Variants in PDE1A observed in about 807,000 individuals in gnomAD.
PDE1A encodes the protein dual specificity calcium/calmodulin-dependent 3',5'-cyclic nucleotide phosphodiesterase 1A.
In PDE1A, 35 loss-of-function variants were observed where a neutral mutation model predicts 61.7. The observed-to-expected ratio is 0.57, with a 90% CI of 0.43 to 0.75. PDE1A has a LOEUF of 0.75. Ranked by LOEUF, PDE1A falls within the 30% of genes least tolerant of loss-of-function variation. The pLI is 0.00. For synonymous variants in PDE1A, 232 were observed against 213.2 expected (o/e 1.09, Z -0.77); for missense variants, 597 against 630.6 (o/e 0.95, Z 0.57).
At chr2:182,405,040 C>T (rs1702225077) in intron 1 of PDE1A, among the ~76,000 whole-genome samples, 1 of 152,210 alleles carries the variant, frequency 6.6e-6, no homozygotes, top group Non-Finnish European at 1.5e-5. Context: ...TTGTTTACAT[C>T]AGCATCACCA....
At chr2:182,236,424 G>A (rs1353875868) in intron 3 of PDE1A, among the ~76,000 whole-genome samples, 1 of 151,446 alleles carries the variant, frequency 6.6e-6, no homozygotes, top group African/African-American at 2.4e-5. Context: ...AGGTGCAGGG[G>A]AAATGGAAGG....
chr2:182,261,886 G>T (rs1692242058), intron 2 of PDE1A, among the ~76,000 whole-genome samples: 1 of 152,120 alleles, frequency 6.6e-6, no homozygotes, highest in African/African-American at 2.4e-5. Flanking sequence ...TCGTTCTTTG[G>T]TTCTAAAGTT....
the PDE1A span, among the ~76,000 whole-genome samples, chr2:182,552,232 A>G: frequency 3.3e-5 from 5 of 152,102 alleles, no homozygotes; most frequent in East Asian, 1.9e-4. Context: ...AACCTATAAC[A>G]TATCTTTCCA....
intron 1 of PDE1A, among the ~76,000 whole-genome samples, chr2:182,341,439 T>C (rs942186831): frequency 6.6e-6 from 1 of 152,216 alleles, no homozygotes; most frequent in African/African-American, 2.4e-5. Flanking sequence ...TTTGAAGATA[T>C]CCCCATTGTT....
At chr2:182,639,192 C>G in the PDE1A span, among the ~76,000 whole-genome samples, 1 of 152,122 alleles carries the variant, frequency 6.6e-6, no homozygotes, top group South Asian at 2.1e-4. Flanking sequence ...GGCGAAAATA[C>G]AAGAAGGCAA....
intron 2 of PDE1A, among the ~76,000 whole-genome samples, chr2:182,442,754 T>A (rs896323183): frequency 2.0e-5 from 3 of 152,092 alleles, no homozygotes; most frequent in African/African-American, 7.2e-5. Context: ...GTTGCAACTT[T>A]AATTTTTAAA....
chr2:182,197,266 CTATTGAT>C (rs1686208988), intron 10 of PDE1A, among the ~76,000 whole-genome samples: 1 of 151,296 alleles, frequency 6.6e-6, no homozygotes, highest in South Asian at 2.1e-4. Context: ...TTTCTTTTTA[CTATTGAT>C]TTGTTGGAGT....
chr2:182,271,185 C>CA (rs11399196), intron 1 of PDE1A, among the ~76,000 whole-genome samples: 33,536 of 111,470 alleles, frequency 0.3, 4,067 homozygotes, highest in East Asian at 0.4. Flanking sequence ...CCTTTACCAC[C>CA]AAAAAAAAAA....
intron 13 of PDE1A, among the ~76,000 whole-genome samples, chr2:182,169,922 G>GCACACGCA (rs1553520067): frequency 3.4e-5 from 3 of 87,666 alleles, no homozygotes; most frequent in African/African-American, 1.0e-4. Flanking sequence ...ACACACACAC[G>GCACACGCA]CACACACACA....
intron 2 of PDE1A, among the ~76,000 whole-genome samples, chr2:182,472,729 C>T (rs1687107012): frequency 6.6e-6 from 1 of 151,500 alleles, no homozygotes; most frequent in African/African-American, 2.4e-5. Flanking sequence ...CTCATTTCCA[C>T]ATAATCAACT....
At chr2:182,646,633 G>A in the PDE1A span, among the ~76,000 whole-genome samples, 3 of 151,454 alleles carry the variant, frequency 2.0e-5, no homozygotes, top group South Asian at 2.1e-4. Context: ...GCAGTGAGCC[G>A]AGATCGCGCC....
rs772600912 is a variant in PDE1A at position 182,246,394 on chromosome 2, C to CTTTTTTTTTTTTTTTTTTTTTT, written c.168-6103_168-6102insAAAAAAAAAAAAAAAAAAAAAA. Among the ~76,000 whole-genome samples, 3 of 105,366 alleles carry CTTTTTTTTTTTTTTTTTTTTTT rather than the reference C, an allele frequency of 2.8e-5. 1 individual carries two copies. The highest frequency in any genetic ancestry group is 5.8e-5 in the Non-Finnish European group (3 of 51,688). The allele number at this position is 105,366 out of a possible 152,430, so 69.1% of individuals were successfully genotyped here. Reference sequence around the variant, plus strand: ...TTTTTATTCTACTATAGTCTTTTTTCTTTTTTCTTTCTTTTTTTTTTTTTT... The same window carrying CTTTTTTTTTTTTTTTTTTTTTT: ...TTTTTATTCTACTATAGTCTTTTTTCTTTTTTTTTTTTTTTTTTTTTTTTTTTTCTTTCTTTTTTTTTTTTTT... On this transcript the variant is annotated intron_variant, in intron 2 of 13. Transcript: ENST00000351439.
the PDE1A span, among the ~76,000 whole-genome samples, chr2:182,603,953 G>A: frequency 6.6e-6 from 1 of 151,608 alleles, no homozygotes; most frequent in Non-Finnish European, 1.5e-5. Context: ...ACTTCATTGG[G>A]TTAAAAGTAA....
the PDE1A span, among the ~76,000 whole-genome samples, chr2:182,667,766 C>T: frequency 6.6e-6 from 1 of 152,092 alleles, no homozygotes; most frequent in Admixed American, 6.5e-5. Context: ...CTGGAAAAGA[C>T]AGAACAATGT....
intron 2 of PDE1A, among the ~76,000 whole-genome samples, chr2:182,259,687 G>T (rs1250250784): frequency 6.6e-6 from 1 of 152,132 alleles, no homozygotes; most frequent in African/African-American, 2.4e-5. Context: ...GCTAATCATC[G>T]AAATTATGAG....
At chr2:182,351,935 C>A (rs1698903785) in intron 1 of PDE1A, among the ~76,000 whole-genome samples, 1 of 152,122 alleles carries the variant, frequency 6.6e-6, no homozygotes, top group South Asian at 2.1e-4. Context: ...TAGTCATATG[C>A]CAAAAATGTA....
At chr2:182,435,687 T>C (rs576169365) in intron 2 of PDE1A, among the ~76,000 whole-genome samples, 2 of 152,222 alleles carry the variant, frequency 1.3e-5, no homozygotes, top group South Asian at 4.1e-4. Flanking sequence ...TGTTCAAAAG[T>C]AGCTGCATAC....
chr2:182,378,307 A>C (rs1700536330), intron 1 of PDE1A, among the ~76,000 whole-genome samples: 1 of 152,222 alleles, frequency 6.6e-6, no homozygotes, highest in Non-Finnish European at 1.5e-5. Flanking sequence ...CTGTAATACA[A>C]ATTTGAACAA....
chr2:182,364,484 A>C (rs1044335117), intron 1 of PDE1A, among the ~76,000 whole-genome samples: 18 of 146,992 alleles, frequency 1.2e-4, no homozygotes, highest in South Asian at 2.2e-4. Flanking sequence ...AAAAAAAAAA[A>C]AAAAAAAAAA....
Sources: allele counts gnomAD v4.1 joint callset (sites outside exome capture counted in the v4.1 genomes callset), GRCh38; gene constraint gnomAD v4.1.1; transcripts MANE v1.5; gene names NCBI Gene and HGNC (gene_info 2026-07-23, HGNC 2026-07-21).